Variants in PBX4 observed in about 807,000 individuals in gnomAD.
PBX4 encodes PBX homeobox 4.
In PBX4, 26 loss-of-function variants were observed where a neutral mutation model predicts 35.1. The observed-to-expected ratio is 0.74, with a 90% confidence interval of 0.54 to 1.03. The LOEUF is 1.03. Ranked by LOEUF, PBX4 falls within the 50% of genes least tolerant of loss-of-function variation. The pLI is 0.00. For missense variants in PBX4, 448 were observed against 504.3 expected, an observed-to-expected ratio of 0.89 and a Z score of 1.07; for synonymous variants, 199 against 204.2, an observed-to-expected ratio of 0.97 and a Z score of 0.22.
chr19:19,617,510 C>T lies in PBX4; in HGVS notation c.119+1001G>A, dbSNP rs76680475. ...CATTGTCCAGGTTGGTCTCGAACTC[C>T]TGAGCTCAAGCAATCCTCCTGCCTC... On this transcript the variant is annotated intron_variant, in intron 1 of 7. Transcript: ENST00000251203. Among the ~76,000 whole-genome samples the T allele has an allele frequency of 9.9e-3, 1,509 of 152,126 alleles. 29 individuals are homozygous for T. The highest frequency in any genetic ancestry group is 0.035 in the African/African-American group (1,452 of 41,492).
At chr19:19,613,224 G>A (rs959664998) in intron 1 of PBX4, among the ~76,000 whole-genome samples, 1 of 151,604 alleles carries the variant, frequency 6.6e-6, no homozygotes, top group South Asian at 2.1e-4. Context: ...CCAGCACTTT[G>A]GGAGGCCGAG....
chr19:19,586,754 AC>A (rs1366101734), intron 2 of PBX4, among the ~76,000 whole-genome samples: 3 of 151,396 alleles, frequency 2.0e-5, no homozygotes, highest in Admixed American at 1.3e-4. Flanking sequence ...ACACGGTAAA[AC>A]CCCATCTTTA....
intron 2 of PBX4, among the ~76,000 whole-genome samples, chr19:19,594,106 A>AAAAAAAAAAT (rs376246400): frequency 6.9e-6 from 1 of 145,224 alleles, no homozygotes; most frequent in African/African-American, 2.5e-5. Context: ...AAAATAAAAA[A>AAAAAAAAAAT]TAAAAAATTA....
At chr19:19,609,418 G>A (rs975655924) in intron 1 of PBX4, among the ~76,000 whole-genome samples, 1 of 151,890 alleles carries the variant, frequency 6.6e-6, no homozygotes, top group Non-Finnish European at 1.5e-5. Flanking sequence ...GCGTGGTGGT[G>A]CATGCCTGTA....
intron 1 of PBX4, among the ~76,000 whole-genome samples, chr19:19,601,079 A>G (rs895435222): frequency 6.6e-6 from 1 of 152,188 alleles, no homozygotes; most frequent in African/African-American, 2.4e-5. Context: ...AGACACCAAA[A>G]ATACACACCA....
At chr19:19,599,972 CAA>C (rs1284339416) in intron 1 of PBX4, among the ~76,000 whole-genome samples, 1,678 of 69,178 alleles carry the variant, frequency 0.024, 42 homozygotes, top group South Asian at 0.13. Context: ...GACTCCATCT[CAA>C]AAAAAAAAAA....
intron 2 of PBX4, chr19:19,588,196 CTCCT>C: frequency 1.5e-6 from 2 of 1,348,994 alleles, no homozygotes; most frequent in Non-Finnish European, 2.1e-6. Context: ...GGATGGTGCA[CTCCT>C]TACAATAATA....
At chr19:19,605,242 C>A (rs1599378691) in intron 1 of PBX4, among the ~76,000 whole-genome samples, 1 of 150,388 alleles carries the variant, frequency 6.6e-6, no homozygotes, top group African/African-American at 2.4e-5. Flanking sequence ...GTGGTGAAAC[C>A]CCGTCTCTAC....
At chr19:19,591,139 G>A (rs181142370) in intron 2 of PBX4, among the ~76,000 whole-genome samples, 210 of 152,182 alleles carry the variant, frequency 1.4e-3, no homozygotes, top group Non-Finnish European at 2.1e-3. Context: ...CCCAGCTGCC[G>A]GGGTCTACTC....
At chr19:19,615,959 C>T (rs2061686974) in intron 1 of PBX4, among the ~76,000 whole-genome samples, 1 of 152,152 alleles carries the variant, frequency 6.6e-6, no homozygotes. Context: ...CCTCTTCCTT[C>T]CTAGGACTGC....
chr19:19,604,623 T>C (rs2061618646), intron 1 of PBX4, among the ~76,000 whole-genome samples: 1 of 150,898 alleles, frequency 6.6e-6, no homozygotes, highest in African/African-American at 2.4e-5. Flanking sequence ...ATTTTTGAGA[T>C]GGAGTCTCGC....
chr19:19,582,881 C>T (rs1185938404), intron 2 of PBX4, among the ~76,000 whole-genome samples: 1 of 152,260 alleles, frequency 6.6e-6, no homozygotes, highest in African/African-American at 2.4e-5. Context: ...CATGCTCCCC[C>T]TTAGGGGTTT....
intron 4 of PBX4, 133 bp from the exon 5 acceptor site, chr19:19,569,717 G>A (rs975065816): frequency 1.7e-5 from 21 of 1,247,888 alleles, no homozygotes; most frequent in South Asian, 1.1e-4. Context: ...CGAGACCAGC[G>A]TGGTCAACAT....
Position 19,565,094 on chromosome 19 carries a change from G to A in PBX4, c.769-5C>T, listed in dbSNP as rs945262517. The A allele has an allele frequency of 1.1e-5, 18 of 1,613,952 alleles. No individual in the cohort carries two copies. The highest frequency in any genetic ancestry group is 4.0e-5 in the African/African-American group (3 of 74,880). Reference sequence around the variant, plus strand: ...GTTGCCAAACCAGTTAGAGACCTGCGGACACACAGGAGTCACTGGAGGAGC... The same window carrying A: ...GTTGCCAAACCAGTTAGAGACCTGCAGACACACAGGAGTCACTGGAGGAGC... On this transcript the variant is annotated splice_polypyrimidine_tract_variant and splice_region_variant and intron_variant, in intron 5 of 7. Coordinates refer to ENST00000251203, the MANE Select transcript of PBX4 (RefSeq NM_025245.3).
rs185459726 is a variant in PBX4 at position 19,580,980 on chromosome 19, G to A, written c.194-10147C>T. On this transcript the variant is annotated intron_variant, in intron 2 of 7. Transcript: ENST00000251203. ...ACCCCTGGATTCAAGTGATCCTCCTGCCTTGGCCTCCCAAAGTGCTAGGAT... is the reference window on the plus strand; with the variant it reads ...ACCCCTGGATTCAAGTGATCCTCCTACCTTGGCCTCCCAAAGTGCTAGGAT... Among the ~76,000 whole-genome samples, 51 of 152,292 alleles carry A rather than the reference G, an allele frequency of 3.3e-4. 1 individual carries two copies. The East Asian group carries it at 6.9e-3, about 21-fold the overall frequency.
At chr19:19,577,927 C>T (rs2061430605) in intron 2 of PBX4, among the ~76,000 whole-genome samples, 1 of 150,224 alleles carries the variant, frequency 6.7e-6, no homozygotes, top group Non-Finnish European at 1.5e-5. Context: ...CCTATAATTC[C>T]AGCACTTTGG....
intron 5 of PBX4, 120 bp from the exon 6 acceptor site, chr19:19,565,209 T>C: frequency 8.2e-7 from 1 of 1,218,384 alleles, no homozygotes; most frequent in Non-Finnish European, 1.2e-6. Context: ...CACTGCACCC[T>C]GGGGCTATGA....
chr19:19,603,942 A>G (rs2144779094), intron 1 of PBX4, among the ~76,000 whole-genome samples: 1 of 126,532 alleles, frequency 7.9e-6, no homozygotes, highest in South Asian at 2.6e-4. Flanking sequence ...AGCGAGCGAG[A>G]CTCCATCTCA....
intron 1 of PBX4, chr19:19,606,833 A>G (rs1379047364): frequency 6.6e-6 from 1 of 152,092 alleles, no homozygotes; most frequent in Admixed American, 6.5e-5. Context: ...TGTACTAAAA[A>G]TACAAAAATT....
Sources: gnomAD v4.1 joint callset for allele counts (sites outside exome capture counted in the v4.1 genomes callset) on GRCh38, gnomAD v4.1.1 for gene constraint, MANE v1.5 for transcripts, NCBI Gene and HGNC (gene_info 2026-07-23, HGNC 2026-07-21) for gene names.